RAP1A: variants seen among roughly 807,000 people sequenced by gnomAD.
The protein encoded by RAP1A is RAP1A, member of RAS oncogene family.
RAP1A carries 6 observed loss-of-function variants against 26.4 expected under a neutral mutation model. That is an observed-to-expected ratio of 0.23 (90% CI 0.12 to 0.45). The LOEUF (loss-of-function observed/expected upper bound fraction) is 0.45, where lower values mean the gene tolerates loss of function less well. Among genes scored for constraint, RAP1A ranks in the 20% least tolerant of loss-of-function variants. The pLI is 0.99. For missense variants in RAP1A, 121 were observed against 217.2 expected, an observed-to-expected ratio of 0.56 and a Z score of 2.78; for synonymous variants, 73 against 79.4, an observed-to-expected ratio of 0.92 and a Z score of 0.43.
At chr1:111,603,370 C>T (rs548120568) in intron 1 of RAP1A, among the ~76,000 whole-genome samples, 6 of 152,292 alleles carry the variant, frequency 3.9e-5, no homozygotes, top group South Asian at 2.1e-4. Context: ...AAAATTGCCA[C>T]CTATCGCCCA....
At chr1:111,688,296 T>A (rs1661554939) in intron 1 of RAP1A, among the ~76,000 whole-genome samples, 1 of 139,300 alleles carries the variant, frequency 7.2e-6, no homozygotes, top group Admixed American at 7.0e-5. Flanking sequence ...TGTGTGTGTG[T>A]GTGTATATAT....
rs557256088 is a variant in RAP1A at position 111,565,506 on chromosome 1, A to G, written c.-28+22997A>G. Among the ~76,000 whole-genome samples the G allele has an allele frequency of 1.3e-3, 198 of 152,360 alleles. 1 individual carries two copies. Among genetic ancestry groups the G allele is most frequent in the African/African-American group, 4.5e-3 (187 of 41,586 alleles). Reference sequence around the variant, plus strand: ...GTTAAGCCCTGATTCCTGTAGTAACATATGGAGGGCACCTACTGCAGATGG... The same window carrying G: ...GTTAAGCCCTGATTCCTGTAGTAACGTATGGAGGGCACCTACTGCAGATGG... On this transcript the variant is annotated intron_variant, in intron 1 of 7. Coordinates refer to the RAP1A transcript ENST00000356415.
At chr1:111,649,961 G>A (rs1233646190) in intron 1 of RAP1A, among the ~76,000 whole-genome samples, 2 of 152,032 alleles carry the variant, frequency 1.3e-5, no homozygotes, top group East Asian at 3.9e-4. Flanking sequence ...AGGATTATTA[G>A]GAAAAATGTT....
intron 1 of RAP1A, chr1:111,649,219 G>A (rs531097754): frequency 4.1e-6 from 2 of 490,170 alleles, no homozygotes; most frequent in Admixed American, 4.5e-5. Flanking sequence ...CTGAGCTGGG[G>A]TCCCTTCTTC....
chr1:111,563,817 C>T, intron 1 of RAP1A: 5 of 1,581,758 alleles, frequency 3.2e-6, no homozygotes, highest in Non-Finnish European at 4.3e-6. Context: ...CTCTGCCTCC[C>T]AGCAGCTATA....
In RAP1A at chr1:111,598,970, A is replaced by C. The variant is rs1263762701; in HGVS notation, c.-28+56461A>C. Reference sequence around the variant, plus strand: ...TGCTAGAGTGGCTCAAGGAACTCAGAGAAACACTTACGTTTAACTGGTATA... The same window carrying C: ...TGCTAGAGTGGCTCAAGGAACTCAGCGAAACACTTACGTTTAACTGGTATA... On this transcript the variant is annotated intron_variant, in intron 1 of 7. Transcript: ENST00000356415. Among the ~76,000 whole-genome samples, 3 of 152,132 alleles carry C rather than the reference A, an allele frequency of 2.0e-5. No homozygotes were observed. In the East Asian group the frequency reaches 5.8e-4, roughly 29 times the overall value.
intron 1 of RAP1A, among the ~76,000 whole-genome samples, chr1:111,677,395 A>G (rs1272571661): frequency 6.6e-6 from 1 of 151,438 alleles, no homozygotes; most frequent in African/African-American, 2.4e-5. Flanking sequence ...TTAATGATCT[A>G]TTGCTCTGTA....
chr1:111,641,719 T>C (rs905840621), intron 1 of RAP1A, among the ~76,000 whole-genome samples: 1 of 152,182 alleles, frequency 6.6e-6, no homozygotes, highest in East Asian at 1.9e-4. Context: ...AGATTTCTAA[T>C]TTATTCTAGT....
chr1:111,712,389 G>C (rs1662411174), intron 7 of RAP1A, 42 bp from the exon 8 acceptor site: 1 of 152,390 alleles, frequency 6.6e-6, no homozygotes, highest in South Asian at 2.1e-4. Context: ...GACATCAAGA[G>C]ATTAACCATA....
intron 2 of RAP1A, among the ~76,000 whole-genome samples, chr1:111,694,158 G>T (rs1013764999): frequency 3.9e-5 from 6 of 152,122 alleles, no homozygotes; most frequent in African/African-American, 1.4e-4. Context: ...AAAGTGCTAG[G>T]AGTACAGCAT....
At chr1:111,577,451 T>C (rs1396303160) in intron 1 of RAP1A, among the ~76,000 whole-genome samples, 1 of 137,796 alleles carries the variant, frequency 7.3e-6, no homozygotes, top group African/African-American at 2.7e-5. Context: ...TTCCAGACCC[T>C]GAAAACTTGG....
rs545872611 is a variant in RAP1A at position 111,704,757 on chromosome 1, A to G, written c.468+271A>G. On this transcript the variant is annotated intron_variant, in intron 6 of 7. Coordinates refer to ENST00000369709, the MANE Select transcript of RAP1A (RefSeq NM_002884.4). ...AAATCCTGCTAAGCCTCTAAGTGAT[A>G]TGCGATAAAGTGGTGTGTAAAAATT... Among the ~76,000 whole-genome samples, 6 of 152,356 alleles carry G rather than the reference A, an allele frequency of 3.9e-5. No homozygotes were observed. In the South Asian group the frequency reaches 1.2e-3, roughly 32 times the overall value.
At chr1:111,542,284 C>A in exon 1 of RAP1A, 1 of 572,032 alleles carries the variant, frequency 1.7e-6, no homozygotes, top group South Asian at 1.4e-5. Context: ...TCAGACCTGC[C>A]GGTTCGAACA....
upstream of RAP1A, among the ~76,000 whole-genome samples, chr1:111,616,268 T>C (rs765273911): frequency 1.3e-4 from 20 of 152,140 alleles, no homozygotes; most frequent in Admixed American, 3.9e-4. Flanking sequence ...ATTTAATTGG[T>C]TTATCTCCTC....
At chr1:111,700,195 C>T (rs1661973780) in intron 4 of RAP1A, among the ~76,000 whole-genome samples, 1 of 152,176 alleles carries the variant, frequency 6.6e-6, no homozygotes, top group South Asian at 2.1e-4. Flanking sequence ...CTGATAAATA[C>T]TAACTTTGTA....
At chr1:111,577,045 A>C (rs1027864591) in intron 1 of RAP1A, among the ~76,000 whole-genome samples, 1 of 152,106 alleles carries the variant, frequency 6.6e-6, no homozygotes, top group East Asian at 1.9e-4. Context: ...TGTGGATCCA[A>C]ATACTTGGGG....
intron 1 of RAP1A, among the ~76,000 whole-genome samples, chr1:111,606,783 G>GTT (rs996320775): frequency 4.6e-5 from 7 of 152,232 alleles, no homozygotes; most frequent in African/African-American, 1.7e-4. Context: ...TAGTTTTATT[G>GTT]TAACAGCTCA....
chr1:111,672,939 A>G (rs1268659274), intron 1 of RAP1A, among the ~76,000 whole-genome samples: 1 of 152,042 alleles, frequency 6.6e-6, no homozygotes, highest in Non-Finnish European at 1.5e-5. Context: ...ACCTCTGGAA[A>G]TGTTATTCTG....
rs533307856 is a variant in RAP1A, at chr1:111,575,633, G to C, written c.-28+33124G>C. ...TATAGGAATTGGAAATATTGACACAGAGACACCAGGCACACGTGCACACAG... is the reference window on the plus strand; with the variant it reads ...TATAGGAATTGGAAATATTGACACACAGACACCAGGCACACGTGCACACAG... On this transcript the variant is annotated intron_variant, in intron 1 of 7. Coordinates refer to the RAP1A transcript ENST00000356415. 2.3e-4 allele frequency among the ~76,000 whole-genome samples: 35 copies of C among 152,238 alleles called. No individual in the cohort carries two copies. In the East Asian group the frequency reaches 5.4e-3, roughly 23 times the overall value.
Sources: allele counts gnomAD v4.1 joint callset (sites outside exome capture counted in the v4.1 genomes callset), GRCh38; gene constraint gnomAD v4.1.1; transcripts MANE v1.5; gene names NCBI Gene and HGNC (gene_info 2026-07-23, HGNC 2026-07-21).